The following LINGO2 variants were observed in gnomAD, a reference collection of about 807,000 sequenced individuals.
The protein encoded by LINGO2 is leucine-rich repeat and immunoglobulin-like domain-containing nogo receptor-interacting protein 2.
In LINGO2, 14 loss-of-function variants were observed where a neutral mutation model predicts 30.6. That is an observed-to-expected ratio of 0.46 (90% CI 0.30 to 0.72). The LOEUF (loss-of-function observed/expected upper bound fraction) is 0.72, where lower values mean the gene tolerates loss of function less well. Among genes scored for constraint, LINGO2 ranks in the 30% least tolerant of loss-of-function variants. The pLI is 0.07. For synonymous variants in LINGO2, 317 were observed against 288.5 expected (o/e 1.10, Z -1.00); for missense variants, 729 against 751.7 (o/e 0.97, Z 0.35).
the LINGO2 span, among the ~76,000 whole-genome samples, chr9:29,138,327 G>A: frequency 1.2e-5 from 1 of 86,932 alleles, no homozygotes; most frequent in Non-Finnish European, 2.4e-5. Context: ...CCAGACCACC[G>A]GCCAGAAACT....
chr9:28,221,946 C>T (rs1211855061), intron 4 of LINGO2, among the ~76,000 whole-genome samples: 2 of 152,032 alleles, frequency 1.3e-5, no homozygotes, highest in African/African-American at 4.8e-5. Context: ...AGTCTAAATC[C>T]ATTTTGGAAA....
intron 2 of LINGO2, among the ~76,000 whole-genome samples, chr9:28,419,561 T>C (rs1823104230): frequency 6.6e-6 from 1 of 151,232 alleles, no homozygotes. Flanking sequence ...GGCCAATACA[T>C]TTCAATCTCC....
At chr9:28,566,238 A>G (rs968205024) in intron 1 of LINGO2, among the ~76,000 whole-genome samples, 3 of 152,146 alleles carry the variant, frequency 2.0e-5, no homozygotes, top group African/African-American at 7.2e-5. Context: ...AGGATCTTTT[A>G]GGGGCTCGTG....
chr9:28,880,473 C>T, the LINGO2 span, among the ~76,000 whole-genome samples: 6 of 152,154 alleles, frequency 3.9e-5, no homozygotes, highest in African/African-American at 1.2e-4. Context: ...TAAAAGTCAT[C>T]GCCATTCTCT....
intron 4 of LINGO2, among the ~76,000 whole-genome samples, chr9:28,283,893 A>G (rs1018806203): frequency 5.3e-5 from 8 of 152,180 alleles, no homozygotes; most frequent in African/African-American, 1.9e-4. Context: ...TCTGAAGAAG[A>G]GACTTTATGA....
rs931265664 is a variant in LINGO2 at position 28,307,032 on chromosome 9, C to T, written c.-245-11666G>A. ...GGAACTGGTACCATTCCTTCTGAAACTATTCCAATCAATAGAAAAAGAGGG... is the reference window on the plus strand; with the variant it reads ...GGAACTGGTACCATTCCTTCTGAAATTATTCCAATCAATAGAAAAAGAGGG... On this transcript the variant is annotated intron_variant, in intron 3 of 5. Transcript: ENST00000379992. 1.2e-3 allele frequency among the ~76,000 whole-genome samples: 176 copies of T among 152,152 alleles called. 1 individual carries two copies. Among genetic ancestry groups the T allele is most frequent in the Non-Finnish European group, 1.8e-3 (123 of 67,996 alleles).
At chr9:27,949,639 T>A in exon 6 of LINGO2, 2 of 1,614,080 alleles carry the variant, frequency 1.2e-6, no homozygotes, top group Non-Finnish European at 1.7e-6. Context: ...TCCAGAGCCC[T>A]AGGGGAGGAG....
chr9:28,460,150 G>A (rs77341550), intron 2 of LINGO2, among the ~76,000 whole-genome samples: 2 of 152,226 alleles, frequency 1.3e-5, no homozygotes, highest in African/African-American at 2.4e-5. Flanking sequence ...GACACTGACA[G>A]TATATCTGAT....
chr9:28,461,086 T>G (rs1474930743), intron 2 of LINGO2, among the ~76,000 whole-genome samples: 1 of 152,174 alleles, frequency 6.6e-6, no homozygotes, highest in Non-Finnish European at 1.5e-5. Context: ...TCTTTTCTTA[T>G]ATGAAGAAAA....
At chr9:28,764,999 C>T in the LINGO2 span, among the ~76,000 whole-genome samples, 2 of 151,678 alleles carry the variant, frequency 1.3e-5, no homozygotes, top group South Asian at 2.1e-4. Context: ...TGAAAAAAGG[C>T]ACAAATAAAT....
At chr9:28,461,234 T>A (rs140776368) in intron 2 of LINGO2, among the ~76,000 whole-genome samples, 1 of 152,142 alleles carries the variant, frequency 6.6e-6, no homozygotes, top group Non-Finnish European at 1.5e-5. Context: ...AAACATATTA[T>A]ACAATATCGA....
At chr9:28,988,856 A>T in the LINGO2 span, among the ~76,000 whole-genome samples, 3 of 152,104 alleles carry the variant, frequency 2.0e-5, no homozygotes, top group Non-Finnish European at 2.9e-5. Flanking sequence ...GTTTTCATTC[A>T]GTTTTGCAGA....
the LINGO2 span, among the ~76,000 whole-genome samples, chr9:28,731,252 G>T: frequency 6.6e-6 from 1 of 152,064 alleles, no homozygotes; most frequent in East Asian, 1.9e-4. Context: ...GCCTCCCAAG[G>T]TGTTGGGATT....
At chr9:28,104,228 G>GT (rs1248949287) in intron 4 of LINGO2, among the ~76,000 whole-genome samples, 1 of 141,336 alleles carries the variant, frequency 7.1e-6, no homozygotes, top group African/African-American at 2.6e-5. Flanking sequence ...AGAGTAAGGA[G>GT]TAGGGATTTG....
rs142692216 is a variant in LINGO2 at position 28,618,350 on chromosome 9, C to T, written c.-365+51850G>A. On this transcript the variant is annotated intron_variant, in intron 1 of 5. Transcript: ENST00000379992. ...CTACACATTCAATCATTAGCATCTC[C>T]GAGTGTGTTTCTCTCTCTCTCCTTT... 3.1e-4 allele frequency among the ~76,000 whole-genome samples: 47 copies of T among 152,160 alleles called. 1 individual carries two copies. Among genetic ancestry groups the T allele is most frequent in the Middle Eastern group, 3.4e-3 (1 of 294 alleles).
intron 4 of LINGO2, among the ~76,000 whole-genome samples, chr9:28,145,409 AATAAT>A (rs1827785801): frequency 6.6e-6 from 1 of 152,250 alleles, no homozygotes; most frequent in African/African-American, 2.4e-5. Context: ...TAGCCTATAA[AATAAT>A]ATGTTTATAT....
chr9:28,273,125 A>T lies in LINGO2; in HGVS notation c.-87+22083T>A, dbSNP rs931033535. ...AATATCTGTGGGCTGATTTGTTTTT[A>T]AAAAGAAAACCACATAGTTCCTCAT... On this transcript the variant is annotated intron_variant, in intron 4 of 5. Transcript: ENST00000379992. 2.7e-4 allele frequency among the ~76,000 whole-genome samples: 41 copies of T among 152,306 alleles called. 1 individual carries two copies. The highest frequency in any genetic ancestry group is 2.0e-3 in the Admixed American group (30 of 15,298).
chr9:28,541,426 T>G (rs1157900306), intron 1 of LINGO2, among the ~76,000 whole-genome samples: 1 of 152,140 alleles, frequency 6.6e-6, no homozygotes, highest in African/African-American at 2.4e-5. Flanking sequence ...GGAAAACAAT[T>G]TTTAAGAACA....
At chr9:28,023,726 C>CT (rs1433754603) in intron 4 of LINGO2, among the ~76,000 whole-genome samples, 2 of 152,160 alleles carry the variant, frequency 1.3e-5, no homozygotes, top group African/African-American at 4.8e-5. Flanking sequence ...ACAATGGTAA[C>CT]TCTTCTTCTT....
Sources: allele counts gnomAD v4.1 joint callset (sites outside exome capture counted in the v4.1 genomes callset), GRCh38; gene constraint gnomAD v4.1.1; transcripts MANE v1.5; gene names NCBI Gene and HGNC (gene_info 2026-07-23, HGNC 2026-07-21).